The following HDX variants were observed in gnomAD, a reference collection of about 807,000 sequenced individuals.
The protein encoded by HDX is highly divergent homeobox.
Under a neutral mutation model 45.2 loss-of-function variants are expected in HDX, and 19 were observed. That is an observed-to-expected ratio of 0.42 (90% confidence interval 0.29 to 0.62). The LOEUF is 0.62. HDX is among the 20% of genes least tolerant of loss of function. HDX has a pLI of 0.20. For missense variants in HDX, 532 were observed against 493.9 expected (o/e 1.08, Z -0.73); for synonymous variants, 188 against 172.8 (o/e 1.09, Z -0.69).
chrX:84,486,044 C>T (rs1344993621), intron 2 of HDX, among the ~76,000 whole-genome samples: 1 of 111,852 alleles, frequency 8.9e-6, no homozygotes, highest in African/African-American at 3.2e-5. Flanking sequence ...AATGTAATTA[C>T]TGATATGGTT....
rs766390688 is a variant in HDX, at chrX:84,428,466, T to C, written c.1305+12066A>G. Among the ~76,000 whole-genome samples the C allele has an allele frequency of 6.3e-5, 7 of 111,045 alleles. No homozygotes were observed. In the South Asian group the frequency reaches 1.1e-3, roughly 18 times the overall value. ...CCAGAAAACTCTCGTCTACTTTCTGTCTCTATGAATTTGTATTTGTCTTTC... is the reference window on the plus strand; with the variant it reads ...CCAGAAAACTCTCGTCTACTTTCTGCCTCTATGAATTTGTATTTGTCTTTC... On this transcript the variant is annotated intron_variant, in intron 5 of 10. Transcript: ENST00000373177.
At chrX:84,359,965 C>A (rs1177819894) in intron 6 of HDX, among the ~76,000 whole-genome samples, 1 of 111,806 alleles carries the variant, frequency 8.9e-6, no homozygotes, top group African/African-American at 3.2e-5. Flanking sequence ...TTCTGCACAG[C>A]AAAAGAAACT....
intron 5 of HDX, among the ~76,000 whole-genome samples, chrX:84,412,314 T>C (rs774604218): frequency 9.0e-6 from 1 of 111,423 alleles, no homozygotes; most frequent in South Asian, 3.8e-4. Context: ...TCTGTTGATG[T>C]TTAGCTCTCC....
intron 9 of HDX, among the ~76,000 whole-genome samples, chrX:84,329,106 C>T (rs1005894128): frequency 3.6e-5 from 4 of 111,841 alleles, no homozygotes; most frequent in African/African-American, 1.3e-4. Flanking sequence ...TTTTATCTTG[C>T]AGATGAAGGC....
At chrX:84,456,600 A>C (rs187761246) in intron 4 of HDX, among the ~76,000 whole-genome samples, 2 of 111,736 alleles carry the variant, frequency 1.8e-5, no homozygotes, top group East Asian at 5.6e-4. Flanking sequence ...TGAATAAAAA[A>C]GTAAGACCCA....
At chrX:84,344,176 G>A (rs2037147373) in intron 7 of HDX, 74 bp downstream of exon 7, 1 of 816,855 alleles carries the variant, frequency 1.2e-6, no homozygotes, top group Non-Finnish European at 1.8e-6. Flanking sequence ...TTGAAATGCA[G>A]TAAACTGAAA....
intron 2 of HDX, among the ~76,000 whole-genome samples, chrX:84,486,502 C>A (rs2040793631): frequency 9.0e-6 from 1 of 111,049 alleles, no homozygotes; most frequent in Admixed American, 9.5e-5. Context: ...TTCCATTCAG[C>A]CTGAAGAATT....
At chrX:84,384,036 G>C (rs2038251418) in intron 5 of HDX, among the ~76,000 whole-genome samples, 1 of 110,537 alleles carries the variant, frequency 9.0e-6, no homozygotes, top group Non-Finnish European at 1.9e-5. Flanking sequence ...TCTCGGTAGA[G>C]CAATTTATTT....
chrX:84,398,332 T>C (rs1425092465), intron 5 of HDX, among the ~76,000 whole-genome samples: 5 of 110,988 alleles, frequency 4.5e-5, no homozygotes, highest in Non-Finnish European at 9.4e-5. Context: ...AGGAGACCCA[T>C]GTCAAGTGCA....
At position 84,336,821 on chromosome X, in the gene HDX, C is replaced by A. The variant is rs2036973841; in HGVS notation, c.1720G>T (p.Ala574Ser). ...CATACCACATTATCTGTGGTTACTG[C>A]ATGGTGGTCCTCTTCCTTATGAGCC... ...ARAHKEEDHHAVTTDNVKIEI... is the reference protein window; with the variant it reads ...ARAHKEEDHHSVTTDNVKIEI... The change falls in exon 8 of 11, where the codon GCA becomes TCA. Residue 574 changes from alanine (A) to serine (S), a missense_variant. Ala to Ser is a moderately conservative substitution (Grantham distance 99). Transcript: ENST00000373177. 2 of 1,179,553 alleles carry A rather than the reference C, an allele frequency of 1.7e-6. No individual in the cohort carries two copies. The highest frequency in any genetic ancestry group is 2.3e-6 in the Non-Finnish European group (2 of 870,749).
intron 5 of HDX, among the ~76,000 whole-genome samples, chrX:84,393,492 T>G (rs1198015447): frequency 1.8e-5 from 2 of 111,796 alleles, no homozygotes; most frequent in African/African-American, 6.5e-5. Context: ...TTTTTCTTTT[T>G]TATTGTTATT....
At chrX:84,431,359 A>G (rs186667440) in intron 5 of HDX, among the ~76,000 whole-genome samples, 1 of 110,833 alleles carries the variant, frequency 9.0e-6, no homozygotes, top group East Asian at 2.8e-4. Context: ...TCCTTTGGGT[A>G]TATACTAAAT....
At chrX:84,487,482 T>C (rs2040818258) in intron 2 of HDX, among the ~76,000 whole-genome samples, 1 of 112,630 alleles carries the variant, frequency 8.9e-6, no homozygotes, top group Non-Finnish European at 1.9e-5. Context: ...AAAAAACTTC[T>C]GTCAGCAAGT....
At chrX:84,361,651 T>C (rs1476666765) in intron 5 of HDX, 39 bp from the exon 6 acceptor site, 2 of 1,033,524 alleles carry the variant, frequency 1.9e-6, no homozygotes, top group Non-Finnish European at 1.3e-6. Flanking sequence ...AATTTTAAAG[T>C]TTAGAATAAT....
chrX:84,341,441 A>G (rs147376929), intron 7 of HDX, among the ~76,000 whole-genome samples: 4,267 of 110,974 alleles, frequency 0.038, 74 homozygotes, highest in Middle Eastern at 0.13. Flanking sequence ...AAAGAGAGAG[A>G]GAGAGAAACT....
At chrX:84,334,609 A>G (rs2036915865) in intron 8 of HDX, among the ~76,000 whole-genome samples, 1 of 105,851 alleles carries the variant, frequency 9.4e-6, no homozygotes, top group East Asian at 3.0e-4. Flanking sequence ...AAAAAAAATG[A>G]CCAATTAGCT....
intron 2 of HDX, among the ~76,000 whole-genome samples, chrX:84,485,199 G>A (rs1441866651): frequency 9.0e-6 from 1 of 111,475 alleles, no homozygotes; most frequent in Non-Finnish European, 1.9e-5. Flanking sequence ...ATGAACACTT[G>A]AAAGGAATGT....
chrX:84,385,562 T>C (rs1290119172), intron 5 of HDX, among the ~76,000 whole-genome samples: 2 of 110,564 alleles, frequency 1.8e-5, no homozygotes, highest in Admixed American at 9.7e-5. Context: ...CTTACAGACA[T>C]CTTTCACCTT....
chrX:84,372,959 G>A (rs1295729766), intron 5 of HDX, among the ~76,000 whole-genome samples: 3 of 111,755 alleles, frequency 2.7e-5, no homozygotes, highest in African/African-American at 9.7e-5. Context: ...AATACTCATA[G>A]TTTTAAACTG....
Sources: gnomAD v4.1 joint callset for allele counts (sites outside exome capture counted in the v4.1 genomes callset) on GRCh38, gnomAD v4.1.1 for gene constraint, MANE v1.5 for transcripts, NCBI Gene and HGNC (gene_info 2026-07-23, HGNC 2026-07-21) for gene names.